Variants in FRMPD4 observed in about 807,000 individuals in gnomAD.
The protein encoded by FRMPD4 is FERM and PDZ domain containing 4.
FRMPD4 carries 22 observed loss-of-function variants against 94.1 expected under a neutral mutation model. The ratio of observed to expected loss-of-function variants is 0.23; its 90% confidence interval spans 0.17 to 0.33. The LOEUF (loss-of-function observed/expected upper bound fraction) is 0.33. Among genes scored for constraint, FRMPD4 ranks in the 10% least tolerant of loss-of-function variants. The pLI, the probability that FRMPD4 is intolerant of heterozygous loss-of-function variation, is 1.00. For synonymous variants in FRMPD4, 631 were observed against 548.6 expected, an observed-to-expected ratio of 1.15 and a Z score of -2.10; for missense variants, 1,111 against 1,339.9, an observed-to-expected ratio of 0.83 and a Z score of 2.67.
intron 3 of FRMPD4, among the ~76,000 whole-genome samples, chrX:11,995,126 C>T (rs2054489844): frequency 9.0e-6 from 1 of 111,612 alleles, no homozygotes; most frequent in Admixed American, 9.5e-5. Context: ...TAAGTACTTT[C>T]TCTGTGTGCT....
chrX:12,221,411 T>C (rs2056865952), intron 1 of FRMPD4, among the ~76,000 whole-genome samples: 1 of 112,372 alleles, frequency 8.9e-6, no homozygotes, highest in African/African-American at 3.2e-5. Context: ...GGGCTTACCA[T>C]TTAGTTGTTC....
At chrX:12,596,506 T>C (rs2059032366) in intron 2 of FRMPD4, among the ~76,000 whole-genome samples, 1 of 110,307 alleles carries the variant, frequency 9.1e-6, no homozygotes, top group South Asian at 3.9e-4. Context: ...CCTGCTGAAA[T>C]AGAAAGCCTT....
chrX:12,152,902 T>C (rs752113990), intron 1 of FRMPD4, among the ~76,000 whole-genome samples: 30 of 108,537 alleles, frequency 2.8e-4, no homozygotes, highest in African/African-American at 9.6e-4. Flanking sequence ...TTCACCACCT[T>C]TCAACCAGGA....
chrX:12,641,430 G>T (rs2059498955), intron 4 of FRMPD4, among the ~76,000 whole-genome samples: 1 of 111,726 alleles, frequency 9.0e-6, no homozygotes. Flanking sequence ...GACTCAGTAG[G>T]CTGAGGGTAT....
At chrX:12,497,896 C>T (rs778150166) in intron 1 of FRMPD4, among the ~76,000 whole-genome samples, 1 of 111,014 alleles carries the variant, frequency 9.0e-6, no homozygotes, top group Non-Finnish European at 1.9e-5. Context: ...AGAGCCACCA[C>T]ATGAGGTTGT....
chrX:11,999,003 A>G (rs931106357), intron 3 of FRMPD4, among the ~76,000 whole-genome samples: 1 of 112,157 alleles, frequency 8.9e-6, no homozygotes, highest in Non-Finnish European at 1.9e-5. Context: ...ATGCAGGGAC[A>G]GTTCAGGATC....
intron 3 of FRMPD4, among the ~76,000 whole-genome samples, chrX:12,053,448 GAGA>G (rs1467591474): frequency 1.9e-5 from 2 of 103,040 alleles, no homozygotes; most frequent in African/African-American, 7.1e-5. Flanking sequence ...AAGAAGAGAA[GAGA>G]AGAGAGGAAA....
At chrX:12,356,486 G>A (rs2055897646) in intron 1 of FRMPD4, among the ~76,000 whole-genome samples, 1 of 110,769 alleles carries the variant, frequency 9.0e-6, no homozygotes, top group South Asian at 3.9e-4. Flanking sequence ...AGGAGGTGGG[G>A]CCATTAGGAG....
At position 12,718,342 on chromosome X, in the gene FRMPD4, C is replaced by T. The variant is rs763142556; in HGVS notation, c.3516C>T (p.Ser1172=). ...DLDNPEDADS[S]TCDHPSKLPE... ...ATAACCCAGAGGACGCTGACTCGTC[C>T]ACCTGCGACCATCCTTCCAAGCTTC... The change falls in exon 16 of 17, where the codon TCC becomes TCT. Residue 1172 remains serine (S), a synonymous_variant. Coordinates refer to ENST00000675598, the MANE Select transcript of FRMPD4 (RefSeq NM_001368397.1). 1.6e-5 allele frequency: 19 copies of T among 1,211,648 alleles called. No individual in the cohort carries two copies. Among genetic ancestry groups the T allele is most frequent in the Non-Finnish European group, 2.1e-5 (19 of 895,212 alleles).
intron 1 of FRMPD4, among the ~76,000 whole-genome samples, chrX:12,188,034 G>A (rs1213397839): frequency 9.0e-6 from 1 of 111,652 alleles, no homozygotes; most frequent in East Asian, 2.8e-4. Context: ...TTACATTCCT[G>A]TATTCAGTCG....
intron 11 of FRMPD4, among the ~76,000 whole-genome samples, chrX:12,704,877 C>T (rs901603786): frequency 6.2e-5 from 7 of 112,197 alleles, no homozygotes; most frequent in Non-Finnish European, 1.9e-5. Context: ...CCCTGCAGGC[C>T]AGAGGCCACA....
At chrX:12,427,300 ACT>A (rs1390020442) in intron 1 of FRMPD4, among the ~76,000 whole-genome samples, 1 of 110,085 alleles carries the variant, frequency 9.1e-6, no homozygotes, top group Non-Finnish European at 1.9e-5. Context: ...TCCTCATCTC[ACT>A]CTCTCAGGGA....
chrX:12,443,339 CAT>C (rs1365448939), intron 1 of FRMPD4, among the ~76,000 whole-genome samples: 2 of 112,064 alleles, frequency 1.8e-5, no homozygotes, highest in Non-Finnish European at 3.8e-5. Flanking sequence ...TGAAAAAGTG[CAT>C]ATGATTTTAA....
chrX:11,978,321 C>CAAAAAAAAAAAAAAAAAAA (rs1172824155), intron 3 of FRMPD4, among the ~76,000 whole-genome samples: 3 of 16,355 alleles, frequency 1.8e-4, no homozygotes, highest in African/African-American at 4.5e-4. Context: ...AACTCCATCT[C>CAAAAAAAAAAAAAAAAAAA]AAAAAAAAAA....
chrX:11,884,159 A>C (rs956147195), intron 3 of FRMPD4, among the ~76,000 whole-genome samples: 1 of 111,009 alleles, frequency 9.0e-6, no homozygotes, highest in East Asian at 2.8e-4. Flanking sequence ...CTCATAAAGG[A>C]CCTTTTGTCA....
intron 2 of FRMPD4, among the ~76,000 whole-genome samples, chrX:12,574,371 T>C (rs1177354901): frequency 8.9e-6 from 1 of 112,516 alleles, no homozygotes; most frequent in East Asian, 2.7e-4. Context: ...ACATGGTAAA[T>C]ATCAATGGAT....
chrX:12,354,482 G>C (rs1365221882), intron 1 of FRMPD4, among the ~76,000 whole-genome samples: 6 of 111,928 alleles, frequency 5.4e-5, no homozygotes, highest in African/African-American at 1.9e-4. Flanking sequence ...TAAAGAACTG[G>C]CTACACAAAA....
At chrX:12,468,420 G>A (rs2057472651) in intron 1 of FRMPD4, among the ~76,000 whole-genome samples, 3 of 111,589 alleles carry the variant, frequency 2.7e-5, no homozygotes, top group Non-Finnish European at 5.7e-5. Context: ...ATTTAACAAA[G>A]GAACATGTGA....
intron 10 of FRMPD4, among the ~76,000 whole-genome samples, chrX:12,703,655 C>T (rs1443758329): frequency 8.9e-6 from 1 of 112,070 alleles, no homozygotes; most frequent in Non-Finnish European, 1.9e-5. Context: ...GGGTGGTAGT[C>T]GTTTCTGGTG....
Sources: allele counts gnomAD v4.1 joint callset (sites outside exome capture counted in the v4.1 genomes callset), GRCh38; gene constraint gnomAD v4.1.1; transcripts MANE v1.5; gene names NCBI Gene and HGNC (gene_info 2026-07-23, HGNC 2026-07-21).